The following CLASP2 variants were observed in gnomAD, a reference collection of about 807,000 sequenced individuals.
CLASP2 encodes the protein cytoplasmic linker associated protein 2.
A neutral mutation model predicts 194.4 loss-of-function variants in CLASP2; 47 were observed. That is an observed-to-expected ratio of 0.24 (90% CI 0.19 to 0.31). CLASP2 has a LOEUF of 0.31. CLASP2 is among the 10% of genes least tolerant of loss of function. The probability of loss-of-function intolerance (pLI) is 1.00; values close to 1 mark genes in which losing one functional copy is unlikely to be tolerated. For synonymous variants in CLASP2, 619 were observed against 633.5 expected, an observed-to-expected ratio of 0.98 and a Z score of 0.34; for missense variants, 1,445 against 1,823.6, an observed-to-expected ratio of 0.79 and a Z score of 3.78.
chr3:33,591,292 G>A (rs2068725378), intron 21 of CLASP2, among the ~76,000 whole-genome samples: 1 of 152,332 alleles, frequency 6.6e-6, no homozygotes, highest in East Asian at 1.9e-4. Flanking sequence ...AAAGAAGGAA[G>A]AGGAACAAAT....
chr3:33,628,388 C>T (rs2078432274), intron 9 of CLASP2, among the ~76,000 whole-genome samples: 1 of 152,130 alleles, frequency 6.6e-6, no homozygotes, highest in South Asian at 2.1e-4. Flanking sequence ...TGCAAGGTTC[C>T]CCTTCCCCCA....
At chr3:33,504,043 A>T (rs1318029958) in intron 37 of CLASP2, 1 of 152,234 alleles carries the variant, frequency 6.6e-6, no homozygotes, top group Non-Finnish European at 1.5e-5. Flanking sequence ...CTGTTGAGTT[A>T]TAAGAGTTCT....
At chr3:33,664,340 T>C (rs2085818212) in intron 6 of CLASP2, among the ~76,000 whole-genome samples, 1 of 152,184 alleles carries the variant, frequency 6.6e-6, no homozygotes, top group Non-Finnish European at 1.5e-5. Flanking sequence ...TTCTTAAATT[T>C]GTGACTTAGA....
chr3:33,568,526 C>T (rs1465725443), intron 26 of CLASP2, among the ~76,000 whole-genome samples: 2 of 124,748 alleles, frequency 1.6e-5, no homozygotes, highest in African/African-American at 6.4e-5. Flanking sequence ...TGCACTCCAG[C>T]CTGGGTGACA....
intron 38 of CLASP2, among the ~76,000 whole-genome samples, chr3:33,499,881 T>C (rs2154068355): frequency 6.6e-6 from 1 of 152,256 alleles, no homozygotes; most frequent in South Asian, 2.1e-4. Flanking sequence ...AAAATAGGAA[T>C]TCAGGTATTT....
At chr3:33,637,609 G>A (rs1414346219) in intron 8 of CLASP2, among the ~76,000 whole-genome samples, 1 of 152,088 alleles carries the variant, frequency 6.6e-6, no homozygotes. Flanking sequence ...CAAGGTCTTC[G>A]TGTTCATTTA....
intron 11 of CLASP2, among the ~76,000 whole-genome samples, chr3:33,621,472 T>C (rs2077096569): frequency 6.6e-6 from 1 of 152,210 alleles, no homozygotes; most frequent in Non-Finnish European, 1.5e-5. Flanking sequence ...TAGATTCTCT[T>C]GCAGTTTTCT....
chr3:33,684,322 G>T, intron 6 of CLASP2, 37 bp downstream of exon 6: 1 of 967,282 alleles, frequency 1.0e-6, no homozygotes, highest in Non-Finnish European at 1.5e-6. Flanking sequence ...AACTAGTGGT[G>T]AAAAAAAAAA....
intron 1 of CLASP2, among the ~76,000 whole-genome samples, chr3:33,700,333 A>G (rs191749699): frequency 6.6e-6 from 1 of 152,106 alleles, no homozygotes; most frequent in Non-Finnish European, 1.5e-5. Flanking sequence ...AGGCTGAGGC[A>G]CGAGAATCAT....
At chr3:33,683,831 T>C (rs1321219854) in intron 6 of CLASP2, among the ~76,000 whole-genome samples, 1 of 151,262 alleles carries the variant, frequency 6.6e-6, no homozygotes, top group African/African-American at 2.4e-5. Flanking sequence ...TCCCAGCTAC[T>C]TGGGAGGCTG....
intron 12 of CLASP2, 60 bp downstream of exon 12, chr3:33,619,543 G>C: frequency 7.0e-7 from 1 of 1,429,244 alleles, no homozygotes; most frequent in Non-Finnish European, 9.3e-7. Context: ...AAAAGGGGGA[G>C]GAAGAAGAAA....
chr3:33,501,636 C>G lies in CLASP2; in HGVS notation c.4434+16G>C. The G allele has an allele frequency of 1.3e-6, 2 of 1,489,774 alleles. No homozygotes were observed. The highest frequency in any genetic ancestry group is 1.9e-6 in the Non-Finnish European group (2 of 1,066,650). 92.3% of individuals were successfully genotyped at this position (1,489,774 alleles called of 1,614,324 possible). On this transcript the variant is annotated intron_variant, in intron 38 of 38. Transcript: ENST00000682230. ...TACTATGGCCACCATCTCTAAAACA[C>G]AGCAGCACTACTTACTTTACTGCCA...
intron 2 of CLASP2, among the ~76,000 whole-genome samples, chr3:33,696,476 T>G (rs2091927352): frequency 6.7e-6 from 1 of 150,284 alleles, no homozygotes; most frequent in Admixed American, 6.6e-5. Context: ...ACTTTTTTTT[T>G]TTTTTTTGAG....
intron 21 of CLASP2, among the ~76,000 whole-genome samples, chr3:33,585,273 C>A (rs543986999): frequency 2.6e-5 from 4 of 152,176 alleles, no homozygotes; most frequent in Non-Finnish European, 2.9e-5. Flanking sequence ...ATATGGCTAT[C>A]ATGTTCTACG....
chr3:33,635,676 T>G (rs1157850590), intron 8 of CLASP2, among the ~76,000 whole-genome samples: 1 of 152,196 alleles, frequency 6.6e-6, no homozygotes, highest in Non-Finnish European at 1.5e-5. Flanking sequence ...TCAATAATAA[T>G]GTCCCAAAAT....
At chr3:33,500,591 G>A (rs1343617812) in intron 38 of CLASP2, among the ~76,000 whole-genome samples, 5 of 151,802 alleles carry the variant, frequency 3.3e-5, no homozygotes, top group African/African-American at 9.7e-5. Flanking sequence ...TGTCTCTCAT[G>A]GTTTTATCTG....
At chr3:33,676,193 C>T (rs2088586802) in intron 6 of CLASP2, among the ~76,000 whole-genome samples, 1 of 150,988 alleles carries the variant, frequency 6.6e-6, no homozygotes, top group South Asian at 2.1e-4. Context: ...TACTACAAGG[C>T]TACAGTAACC....
chr3:33,518,833 GA>G (rs2052163555), intron 34 of CLASP2, among the ~76,000 whole-genome samples: 1 of 152,188 alleles, frequency 6.6e-6, no homozygotes, highest in Non-Finnish European at 1.5e-5. Context: ...TTCTTCCAGA[GA>G]AAGCACAGAT....
intron 3 of CLASP2, 29 bp from the exon 4 acceptor site, chr3:33,688,397 A>T: frequency 6.9e-7 from 1 of 1,439,424 alleles, no homozygotes; most frequent in Non-Finnish European, 9.5e-7. Flanking sequence ...AAAACGTATA[A>T]CAAAAAACTA....
Sources: gnomAD v4.1 joint callset for allele counts (sites outside exome capture counted in the v4.1 genomes callset) on GRCh38, gnomAD v4.1.1 for gene constraint, MANE v1.5 for transcripts, NCBI Gene and HGNC (gene_info 2026-07-23, HGNC 2026-07-21) for gene names.